Variants in PNN observed in about 807,000 individuals in gnomAD.
PNN encodes the protein pinin, desmosome associated protein.
Under a neutral mutation model 76.6 loss-of-function variants are expected in PNN, and 38 were observed. The observed-to-expected ratio is 0.50, with a 90% CI of 0.38 to 0.65. The LOEUF is 0.65. Among genes scored for constraint, PNN ranks in the 30% least tolerant of loss-of-function variants. The pLI is 0.00. For synonymous variants in PNN, 366 were observed against 283.7 expected, an observed-to-expected ratio of 1.29 and a Z score of -2.91; for missense variants, 873 against 874.1, an observed-to-expected ratio of 1.00 and a Z score of 0.02.
Position 39,181,700 on chromosome 14 carries a change from A to T in PNN, c.1991A>T (p.His664Leu), listed in dbSNP as rs2737730. 13 of 1,614,188 alleles carry T rather than the reference A, an allele frequency of 8.1e-6. No individual in the cohort carries two copies. Among genetic ancestry groups the T allele is most frequent in the Non-Finnish European group, 1.1e-5 (13 of 1,180,024 alleles). The change falls in exon 9 of 9, where the codon CAC becomes CTC. Residue 664 changes from histidine (H) to leucine (L), a missense_variant. Physicochemically the swap from His to Leu is moderately conservative, Grantham distance 99 (BLOSUM62 -3). This residue lies in a region of PNN where 712 missense variants were observed against 693.1 expected (regional missense o/e 1.03). Coordinates refer to ENST00000216832, the MANE Select transcript of PNN (RefSeq NM_002687.4). Reference sequence around the variant, plus strand: ...GATACTTCAGGACTAGAAAGAAGTCACAAATCTTCAAAAGGTGGTAGTAGT... The same window carrying T: ...GATACTTCAGGACTAGAAAGAAGTCTCAAATCTTCAAAAGGTGGTAGTAGT... ...RRDTSGLERS[H>L]KSSKGGSSRD... is the part of the protein sequence containing the mutation.
In PNN at chr14:39,181,648, A is replaced by G; in HGVS notation, c.1939A>G (p.Arg647Gly). Residue 647 changes from arginine to glycine, a missense_variant, in exon 9 of 9, where the codon AGA (arginine) becomes GGA (glycine). By Grantham distance (125) the Arg-to-Gly change is moderately radical. Around this residue, in one of 3 missense-constraint regions of PNN, gnomAD observed 712 missense variants for 693.1 expected, o/e 1.03. Coordinates refer to ENST00000216832, the MANE Select transcript of PNN (RefSeq NM_002687.4). The stretch of plus-strand genomic sequence containing the variant: ...GGGACATAATAGAGATAGAAAGCAC[A>G]GAAGGAGCGTGGATCGGAAGAGAAG... ...GRGHNRDRKH[R>G]RSVDRKRRDT... 6.2e-7 allele frequency: 1 copy of G among 1,614,186 alleles called. No individual in the cohort carries two copies. Among genetic ancestry groups the G allele is most frequent in the Non-Finnish European group, 8.5e-7 (1 of 1,180,014 alleles).
intron 6 of PNN, among the ~76,000 whole-genome samples, chr14:39,178,564 AC>A (rs1302183986): frequency 2.0e-4 from 30 of 151,022 alleles, no homozygotes; most frequent in African/African-American, 6.8e-4. Flanking sequence ...ATATGCAGAT[AC>A]CTTTTTTTTT....
Position 39,181,248 on chromosome 14 carries a change from A to G in PNN, c.1539A>G (p.Thr513=), listed in dbSNP as rs1222923071. The G allele has an allele frequency of 6.2e-7, 1 of 1,613,982 alleles. No homozygotes were observed. Among genetic ancestry groups the G allele is most frequent in the Non-Finnish European group, 8.5e-7 (1 of 1,179,978 alleles). ...EDLSLAVLQP[T]PQVTQEQGHL... ...TGTCATTAGCTGTTTTACAGCCAAC[A>G]CCCCAAGTTACTCAGGAGCAAGGGC... The change falls in exon 9 of 9, where the codon ACA becomes ACG. Residue 513 remains threonine, a synonymous_variant. Coordinates refer to ENST00000216832, the MANE Select transcript of PNN (RefSeq NM_002687.4).
At position 39,182,501 on chromosome 14, in the gene PNN, A is replaced by G. The variant is rs1257411835; in HGVS notation, c.*638A>G. ...CTAAGCATTTTCCCCCGTTTCTCAT[A>G]TTTTAACCATATGTTCGGTAGATAA... On this transcript the variant is annotated 3_prime_UTR_variant, in exon 9 of 9. Transcript: ENST00000216832. 1 of 152,558 alleles carries G rather than the reference A, an allele frequency of 6.6e-6. No individual in the cohort carries two copies. Among genetic ancestry groups the G allele is most frequent in the Non-Finnish European group, 1.5e-5 (1 of 68,046 alleles). The allele number at this position is 152,558 out of a possible 1,614,324, so 9.5% of individuals were successfully genotyped here.
At chr14:39,179,027 A>T in intron 6 of PNN, 64 bp from the exon 7 acceptor site, 1 of 1,443,614 alleles carries the variant, frequency 6.9e-7, no homozygotes, top group South Asian at 1.3e-5. Flanking sequence ...AACTGAAATC[A>T]TATATACCTT....
chr14:39,180,591 G>A lies in PNN; in HGVS notation c.882G>A (p.Glu294=), dbSNP rs562173875. ...RPRRQSMKEK[E]HQVVRNEEQK... ...GAAGACAATCAATGAAGGAAAAAGA[G>A]CATCAGGTGGTGCGTAATGAAGAAC... is the stretch of plus-strand genomic sequence containing the variant. Residue 294 remains glutamate, a synonymous_variant, in exon 9 of 9, where the codon GAG becomes GAA. Coordinates refer to ENST00000216832, the MANE Select transcript of PNN (RefSeq NM_002687.4). 2 of 1,614,108 alleles carry A rather than the reference G, an allele frequency of 1.2e-6. No individual in the cohort carries two copies. Among genetic ancestry groups the A allele is most frequent in the African/African-American group, 1.3e-5 (1 of 75,036 alleles).
intron 6 of PNN, among the ~76,000 whole-genome samples, chr14:39,178,729 A>G (rs1214973515): frequency 2.0e-5 from 3 of 146,600 alleles, no homozygotes; most frequent in African/African-American, 8.0e-5. Context: ...ATAGTGAAAA[A>G]AAAAAAAAAA....
chr14:39,177,969 G>A (rs1187368927), intron 6 of PNN, 53 bp downstream of exon 6: 4 of 1,104,778 alleles, frequency 3.6e-6, no homozygotes, highest in South Asian at 1.3e-5. Context: ...CAAAGTAGTA[G>A]ATTAATGTTT....
chr14:39,177,346 A>T, intron 3 of PNN, 66 bp from the exon 4 acceptor site: 1 of 1,296,756 alleles, frequency 7.7e-7, no homozygotes, highest in Non-Finnish European at 1.1e-6. Flanking sequence ...TGGTGGCACC[A>T]CTGCACTTCA....
intron 6 of PNN, 32 bp from the exon 7 acceptor site, chr14:39,179,059 G>A (rs1005853721): frequency 7.6e-6 from 12 of 1,588,258 alleles, no homozygotes; most frequent in East Asian, 4.5e-5. Context: ...ATTTCAACAC[G>A]TAAGTATTAA....
chr14:39,181,287 G>C lies in PNN; in HGVS notation c.1578G>C (p.Glu526Asp), dbSNP rs774208638. 17 of 1,614,010 alleles carry C rather than the reference G, an allele frequency of 1.1e-5. No homozygotes were observed. Among genetic ancestry groups the C allele is most frequent in the Non-Finnish European group, 1.4e-5 (16 of 1,179,994 alleles). ...VTQEQGHLLPERKDFPVESVK... is the reference protein window; with the variant it reads ...VTQEQGHLLPDRKDFPVESVK... ...AGGAGCAAGGGCATTTACTACCTGA[G>C]AGGAAGGATTTTCCTGTAGAGTCTG... The change falls in exon 9 of 9, where the codon GAG (glutamate) becomes GAC (aspartate). Residue 526 changes from glutamate to aspartate, a missense_variant. By Grantham distance (45) the Glu-to-Asp change is conservative. Coordinates refer to ENST00000216832, the MANE Select transcript of PNN (RefSeq NM_002687.4).
At chr14:39,177,951 TAA>T (rs1325711932) in intron 6 of PNN, 35 bp downstream of exon 6, 7 of 992,534 alleles carry the variant, frequency 7.1e-6, no homozygotes, top group Non-Finnish European at 1.0e-5. Context: ...ATCATATATT[TAA>T]GTTATCAAAG....
Position 39,181,121 on chromosome 14 carries a change from A to G in PNN, c.1412A>G (p.Glu471Gly). The G allele has an allele frequency of 3.7e-6, 6 of 1,612,968 alleles. No homozygotes were observed. Among genetic ancestry groups the G allele is most frequent in the Non-Finnish European group, 5.1e-6 (6 of 1,178,994 alleles). Residue 471 changes from glutamate to glycine, a missense_variant, in exon 9 of 9, where the codon GAG (glutamate) becomes GGG (glycine). Glu to Gly is a moderately conservative substitution (Grantham distance 98, BLOSUM62 -2). This residue lies in a region of PNN where 712 missense variants were observed against 693.1 expected (regional missense o/e 1.03). Transcript: ENST00000216832. ...KEEKESEPQP[E>G]PVAQPQPQSQ... ...GAAAAAGAATCTGAGCCCCAACCTG[A>G]GCCTGTGGCTCAACCTCAGCCTCAG...
Position 39,181,551 on chromosome 14 carries a change from T to TGGC in PNN, c.1843_1845dup (p.Gly615dup). ...GTTCCAGTAGCAGCTCCAGTACAAGTGGCAGCAGCAGCAGAGATAGTAGCA... is the reference window on the plus strand; with the variant it reads ...GTTCCAGTAGCAGCTCCAGTACAAGTGGCGGCAGCAGCAGCAGAGATAGTAGCA... On this transcript the variant is annotated inframe_insertion, in exon 9 of 9. Coordinates refer to ENST00000216832, the MANE Select transcript of PNN (RefSeq NM_002687.4). 1 of 1,608,830 alleles carries TGGC rather than the reference T, an allele frequency of 6.2e-7. No homozygotes were observed. The highest frequency in any genetic ancestry group is 1.1e-5 in the South Asian group (1 of 90,750).
At position 39,176,152 on chromosome 14, in the gene PNN, A is replaced by G. The variant is rs1411042302; in HGVS notation, c.185+3A>G. On this transcript the variant is annotated splice_donor_region_variant and intron_variant, in intron 2 of 8. Transcript: ENST00000216832. ...GGACGTGGTAGTTTATTACTGAGGT[A>G]AGATTTCCTTTGGACTTTACTCATG... The G allele has an allele frequency of 3.2e-6, 5 of 1,562,020 alleles. No individual in the cohort carries two copies. In the South Asian group the frequency reaches 5.6e-5, roughly 17 times the overall value.
rs148219242 is a variant in PNN at position 39,181,092 on chromosome 14, A to C, written c.1383A>C (p.Lys461Asn). ...ACATGGAAAAGGAGTCTGAGGAAAA[A>C]GAAGAAAAAGAATCTGAGCCCCAAC... ...ALDMEKESEE[K>N]EEKESEPQPE... The change falls in exon 9 of 9, where the codon AAA (lysine) becomes AAC (asparagine). Residue 461 changes from lysine (K) to asparagine (N), a missense_variant. Transcript: ENST00000216832. 209 of 1,613,002 alleles carry C rather than the reference A, an allele frequency of 1.3e-4. 2 individuals carry two copies. Among genetic ancestry groups the C allele is most frequent in the Admixed American group, 1.0e-4 (6 of 59,958 alleles).
In PNN at chr14:39,180,592, C is replaced by A. The variant is rs1447083256; in HGVS notation, c.883C>A (p.His295Asn). Reference protein sequence around the residue: ...PRRQSMKEKEHQVVRNEEQKA... With the variant: ...PRRQSMKEKENQVVRNEEQKA... Reference sequence around the variant, plus strand: ...AAGACAATCAATGAAGGAAAAAGAGCATCAGGTGGTGCGTAATGAAGAACA... The same window carrying A: ...AAGACAATCAATGAAGGAAAAAGAGAATCAGGTGGTGCGTAATGAAGAACA... Residue 295 changes from histidine to asparagine, a missense_variant, in exon 9 of 9, where the codon CAT becomes AAT. By Grantham distance (68) the His-to-Asn change is moderately conservative. Around this residue, in one of 3 missense-constraint regions of PNN, gnomAD observed 712 missense variants for 693.1 expected, o/e 1.03. Coordinates refer to ENST00000216832, the MANE Select transcript of PNN (RefSeq NM_002687.4). 5.6e-6 allele frequency: 9 copies of A among 1,613,780 alleles called. No individual in the cohort carries two copies. The Admixed American group carries it at 1.5e-4, about 27-fold the overall frequency.
rs748682602 is a variant in PNN, at chr14:39,176,117, T to C, written c.153T>C (p.Gly51=). ...QARLLALSGP[G]GGRGRGSLLL... is the part of the protein sequence containing the mutation. ...GATTGCTGGCCCTTTCTGGTCCTGG[T>C]GGAGGTAGAGGACGTGGTAGTTTAT... The change falls in exon 2 of 9, where the codon GGT becomes GGC. Residue 51 remains glycine (G), a synonymous_variant. Coordinates refer to ENST00000216832, the MANE Select transcript of PNN (RefSeq NM_002687.4). 6.2e-7 allele frequency: 1 copy of C among 1,609,420 alleles called. No individual in the cohort carries two copies. The highest frequency in any genetic ancestry group is 2.2e-5 in the East Asian group (1 of 44,862).
intron 3 of PNN, 88 bp downstream of exon 3, chr14:39,176,683 A>G: frequency 1.2e-6 from 1 of 847,672 alleles, no homozygotes; most frequent in South Asian, 1.6e-5. Context: ...ATTCTGTTTC[A>G]GCAATATTAA....
Sources: allele counts gnomAD v4.1 joint callset (sites outside exome capture counted in the v4.1 genomes callset), GRCh38; gene constraint gnomAD v4.1.1; regional missense constraint gnomAD v4.1.1; transcripts MANE v1.5; gene names NCBI Gene and HGNC (gene_info 2026-07-23, HGNC 2026-07-21).